LCLAT1: variants seen among roughly 807,000 people sequenced by gnomAD.
LCLAT1 encodes 1-AGP acyltransferase 8.
Under a neutral mutation model 30.7 loss-of-function variants are expected in LCLAT1, and 11 were observed. The observed-to-expected ratio is 0.36, with a 90% CI of 0.23 to 0.59. The LOEUF is 0.59. Among genes scored for constraint, LCLAT1 ranks in the 20% least tolerant of loss-of-function variants. LCLAT1 has a pLI of 0.77. For missense variants in LCLAT1, 402 were observed against 458.6 expected (o/e 0.88, Z 1.13); for synonymous variants, 155 against 151.3 (o/e 1.02, Z -0.18).
intron 1 of LCLAT1, among the ~76,000 whole-genome samples, chr2:30,467,104 G>A (rs13391492): frequency 0.13 from 19,160 of 150,954 alleles, 1,344 homozygotes; most frequent in South Asian, 0.23. Context: ...CCGACCCCAC[G>A]ACAGGCCCCG....
At chr2:30,523,022 G>C (rs1685548811) in intron 1 of LCLAT1, among the ~76,000 whole-genome samples, 1 of 152,090 alleles carries the variant, frequency 6.6e-6, no homozygotes, top group Non-Finnish European at 1.5e-5. Flanking sequence ...TGAGGAAGAA[G>C]CATGCCAGAG....
intron 5 of LCLAT1, among the ~76,000 whole-genome samples, chr2:30,571,907 G>T (rs1665795477): frequency 2.0e-5 from 3 of 152,226 alleles, no homozygotes; most frequent in Admixed American, 6.5e-5. Context: ...TTCTTTTGAG[G>T]CCATTTTACA....
intron 3 of LCLAT1, among the ~76,000 whole-genome samples, chr2:30,543,133 A>C (rs1664231101): frequency 6.6e-6 from 1 of 152,010 alleles, no homozygotes; most frequent in Non-Finnish European, 1.5e-5. Context: ...TAGGTTGAGG[A>C]GTTCCCTTCT....
At chr2:30,577,379 A>G (rs1666043334) in intron 5 of LCLAT1, among the ~76,000 whole-genome samples, 2 of 152,248 alleles carry the variant, frequency 1.3e-5, no homozygotes, top group East Asian at 1.9e-4. Flanking sequence ...CCCTCCACAC[A>G]AGAGTATTGC....
chr2:30,624,705 GTCA>G (rs1190426419), intron 5 of LCLAT1, among the ~76,000 whole-genome samples: 4 of 152,114 alleles, frequency 2.6e-5, no homozygotes, highest in Non-Finnish European at 5.9e-5. Flanking sequence ...GACTAGACAG[GTCA>G]TCAAGACAGA....
rs1477741751 is a variant in LCLAT1 at position 30,525,690 on chromosome 2, G to A, written c.100G>A (p.Val34Ile). ...GAGTCCCTTTTTACCTTTGATGTTTGTAAACCCATCTTGGTATCGCTGGAT... is the reference window on the plus strand; with the variant it reads ...GAGTCCCTTTTTACCTTTGATGTTTATAAACCCATCTTGGTATCGCTGGAT... ...MLSPFLPLMFVNPSWYRWINN... is the reference protein window; with the variant it reads ...MLSPFLPLMFINPSWYRWINN... The change falls in exon 2 of 6, where the codon GTA (valine) becomes ATA (isoleucine). Residue 34 changes from valine (V) to isoleucine (I), a missense_variant. Val to Ile is a conservative substitution (Grantham distance 29, BLOSUM62 3). Transcript: ENST00000379509. The A allele has an allele frequency of 1.2e-6, 2 of 1,613,950 alleles. No individual in the cohort carries two copies. The highest frequency in any genetic ancestry group is 2.2e-5 in the South Asian group (2 of 91,066).
At chr2:30,451,406 C>G (rs1681543167) in intron 1 of LCLAT1, among the ~76,000 whole-genome samples, 1 of 152,192 alleles carries the variant, frequency 6.6e-6, no homozygotes, top group South Asian at 2.1e-4. Context: ...CCTAGGTATA[C>G]TCAAGAGAAA....
chr2:30,449,956 CTTTA>C (rs1681465865), intron 1 of LCLAT1, among the ~76,000 whole-genome samples: 1 of 151,852 alleles, frequency 6.6e-6, no homozygotes, highest in South Asian at 2.1e-4. Context: ...TTTTTCCAGT[CTTTA>C]TTTATTAATA....
intron 1 of LCLAT1, among the ~76,000 whole-genome samples, chr2:30,467,035 A>G (rs187865218): frequency 3.2e-4 from 48 of 152,040 alleles, no homozygotes; most frequent in African/African-American, 1.1e-3. Context: ...GGTGTGCTGC[A>G]CTCGTTAACT....
chr2:30,560,637 A>AT (rs1665169690), intron 3 of LCLAT1, among the ~76,000 whole-genome samples: 1 of 151,980 alleles, frequency 6.6e-6, no homozygotes, highest in East Asian at 1.9e-4. Flanking sequence ...ATGCCTGGCT[A>AT]TGTGTGTATT....
At chr2:30,469,032 A>G (rs565323351) in intron 1 of LCLAT1, among the ~76,000 whole-genome samples, 7 of 152,328 alleles carry the variant, frequency 4.6e-5, no homozygotes, top group African/African-American at 1.7e-4. Context: ...TCTTATGCTT[A>G]TCAACCATTT....
At chr2:30,629,813 T>G (rs2148526575) in intron 5 of LCLAT1, among the ~76,000 whole-genome samples, 1 of 152,342 alleles carries the variant, frequency 6.6e-6, no homozygotes, top group South Asian at 2.1e-4. Flanking sequence ...TTTTTTAATG[T>G]GATATCTATA....
intron 5 of LCLAT1, among the ~76,000 whole-genome samples, chr2:30,599,147 A>G (rs898338873): frequency 2.8e-4 from 43 of 151,866 alleles, no homozygotes; most frequent in Non-Finnish European, 8.8e-5. Flanking sequence ...ATGCCAGGCT[A>G]ATTTTTGTAT....
intron 3 of LCLAT1, among the ~76,000 whole-genome samples, chr2:30,550,989 C>A (rs1664651368): frequency 6.6e-6 from 1 of 151,840 alleles, no homozygotes; most frequent in Non-Finnish European, 1.5e-5. Context: ...TGGGAGTTTT[C>A]TTTTCTTGAG....
At chr2:30,605,011 G>A (rs1017986861) in intron 5 of LCLAT1, among the ~76,000 whole-genome samples, 17 of 152,312 alleles carry the variant, frequency 1.1e-4, no homozygotes, top group Middle Eastern at 3.4e-3. Flanking sequence ...CCTTTTAATG[G>A]TTACATTACA....
At chr2:30,461,715 G>A (rs1193253332) in intron 1 of LCLAT1, among the ~76,000 whole-genome samples, 1 of 151,072 alleles carries the variant, frequency 6.6e-6, no homozygotes, top group African/African-American at 2.4e-5. Flanking sequence ...CCTTGCTGTA[G>A]ACATTATTAC....
chr2:30,623,410 A>G (rs1668362319), intron 5 of LCLAT1, among the ~76,000 whole-genome samples: 1 of 152,162 alleles, frequency 6.6e-6, no homozygotes. Flanking sequence ...ACAGAAATAG[A>G]TAGCATAGAT....
intron 1 of LCLAT1, among the ~76,000 whole-genome samples, chr2:30,523,312 C>T (rs548065188): frequency 8.7e-5 from 13 of 149,956 alleles, no homozygotes; most frequent in South Asian, 2.1e-4. Flanking sequence ...GTGTCATCAA[C>T]GCAAAGAGGA....
intron 1 of LCLAT1, among the ~76,000 whole-genome samples, chr2:30,483,608 A>G (rs1393630253): frequency 6.6e-6 from 1 of 152,164 alleles, no homozygotes; most frequent in Non-Finnish European, 1.5e-5. Context: ...ACTAGTGATG[A>G]TGAAAACTCA....
Sources: allele counts gnomAD v4.1 joint callset (sites outside exome capture counted in the v4.1 genomes callset), GRCh38; gene constraint gnomAD v4.1.1; transcripts MANE v1.5; gene names NCBI Gene and HGNC (gene_info 2026-07-23, HGNC 2026-07-21).